The following RAB3IL1 variants were observed in gnomAD, a reference collection of about 807,000 sequenced individuals.
The protein encoded by RAB3IL1 is guanine nucleotide exchange factor for Rab-3A.
In RAB3IL1, 37 loss-of-function variants were observed where a neutral mutation model predicts 49.2. That is an observed-to-expected ratio of 0.75 (90% CI 0.58 to 0.99). RAB3IL1 has a LOEUF of 0.99. RAB3IL1 is among the 50% of genes least tolerant of loss of function. The pLI is 0.00. For synonymous variants in RAB3IL1, 193 were observed against 213.9 expected, an observed-to-expected ratio of 0.90 and a Z score of 0.85; for missense variants, 484 against 513.0, an observed-to-expected ratio of 0.94 and a Z score of 0.55.
the RAB3IL1 span, among the ~76,000 whole-genome samples, chr11:61,943,640 A>G: frequency 2.0e-5 from 3 of 152,212 alleles, no homozygotes; most frequent in African/African-American, 7.2e-5. Context: ...AATCCAACTG[A>G]AAAAATGGGC....
chr11:61,936,301 T>A, the RAB3IL1 span, among the ~76,000 whole-genome samples: 314 of 152,330 alleles, frequency 2.1e-3, no homozygotes, highest in Middle Eastern at 6.8e-3. Flanking sequence ...TCACATTCAA[T>A]AAGCCTAATG....
chr11:61,938,631 A>G, the RAB3IL1 span, among the ~76,000 whole-genome samples: 1 of 152,242 alleles, frequency 6.6e-6, no homozygotes, highest in Non-Finnish European at 1.5e-5. Context: ...CAGCAAGAAT[A>G]GCTGGAAATA....
chr11:61,926,629 C>G, the RAB3IL1 span, among the ~76,000 whole-genome samples: 3 of 152,198 alleles, frequency 2.0e-5, no homozygotes, highest in African/African-American at 7.2e-5. Flanking sequence ...TCTCAGCTCA[C>G]TGCAACCTCT....
At chr11:61,912,714 G>A (rs1472666959) in intron 1 of RAB3IL1, among the ~76,000 whole-genome samples, 1 of 152,188 alleles carries the variant, frequency 6.6e-6, no homozygotes, top group Admixed American at 6.5e-5. Context: ...CCAGAGGAAA[G>A]GGGATGAATG....
chr11:61,944,209 C>CCCTTCCCTCCTTCCTT, the RAB3IL1 span, among the ~76,000 whole-genome samples: 230 of 32,110 alleles, frequency 7.2e-3, no homozygotes, highest in African/African-American at 0.012. Flanking sequence ...TCCTTTCCTT[C>CCCTTCCCTCCTTCCTT]CCTTCCTTCC....
At chr11:61,940,239 C>T in the RAB3IL1 span, among the ~76,000 whole-genome samples, 9 of 151,572 alleles carry the variant, frequency 5.9e-5, no homozygotes, top group South Asian at 2.1e-4. Context: ...GTCGGGAGTT[C>T]GAGACCAGCC....
upstream of RAB3IL1, chr11:61,917,658 G>A: frequency 1.3e-6 from 1 of 755,014 alleles, no homozygotes; most frequent in Non-Finnish European, 1.6e-6. Context: ...CCCAAGGCCT[G>A]GCCCCACCCG....
chr11:61,920,695 G>A (rs981978043), upstream of RAB3IL1, among the ~76,000 whole-genome samples: 1 of 152,224 alleles, frequency 6.6e-6, no homozygotes, highest in Non-Finnish European at 1.5e-5. Flanking sequence ...AGGCTGAGGC[G>A]GGCGGATGAC....
chr11:61,904,654 G>A lies in RAB3IL1; in HGVS notation c.791C>T (p.Ser264Leu), dbSNP rs998898643. 2.5e-6 allele frequency: 4 copies of A among 1,609,676 alleles called. No homozygotes were observed. The highest frequency in any genetic ancestry group is 4.5e-5 in the East Asian group (2 of 44,838). Reference protein sequence around the residue: ...PCLDFTMQELSVLVRAAVEDN... With the variant: ...PCLDFTMQELLVLVRAAVEDN... ...CTCCACGGCGGCCCGTACCAGCACC[G>A]AGAGCTGTGGCAGACCAGGGAGGCA... The change falls in exon 7 of 10, where the codon TCG (serine) becomes TTG (leucine). Residue 264 changes from serine (S) to leucine (L), a missense_variant. By Grantham distance (145) the Ser-to-Leu change is moderately radical. Transcript: ENST00000394836.
At chr11:61,932,978 C>T in the RAB3IL1 span, among the ~76,000 whole-genome samples, 1 of 152,098 alleles carries the variant, frequency 6.6e-6, no homozygotes, top group Non-Finnish European at 1.5e-5. Flanking sequence ...ACCATGTTGG[C>T]CAGGCTGGTC....
At chr11:61,944,948 G>A in the RAB3IL1 span, among the ~76,000 whole-genome samples, 2 of 152,142 alleles carry the variant, frequency 1.3e-5, no homozygotes, top group South Asian at 4.2e-4. Context: ...TGATTCACCC[G>A]CCTCAGCCTC....
At chr11:61,946,300 T>TGAGGCAGGGCCTAGAAGGGCACC in the RAB3IL1 span, among the ~76,000 whole-genome samples, 1 of 152,166 alleles carries the variant, frequency 6.6e-6, no homozygotes, top group African/African-American at 2.4e-5. Flanking sequence ...CCTGCCCAGC[T>TGAGGCAGGGCCTAGAAGGGCACC]GAGGCAGGGC....
At chr11:61,943,116 C>T in the RAB3IL1 span, among the ~76,000 whole-genome samples, 1 of 152,132 alleles carries the variant, frequency 6.6e-6, no homozygotes, top group Non-Finnish European at 1.5e-5. Flanking sequence ...TACGTAGCTA[C>T]ATAATTAAAA....
the RAB3IL1 span, among the ~76,000 whole-genome samples, chr11:61,944,216 T>C: frequency 3.6e-5 from 5 of 139,570 alleles, no homozygotes; most frequent in African/African-American, 1.6e-4. Context: ...CTTCCCTTCC[T>C]TCCCTCCTTC....
intron 1 of RAB3IL1, among the ~76,000 whole-genome samples, chr11:61,910,263 G>A (rs905112524): frequency 6.6e-6 from 1 of 152,220 alleles, no homozygotes; most frequent in African/African-American, 2.4e-5. Context: ...TCAAGATAAA[G>A]CGCTGCTGGG....
chr11:61,904,414 T>C, intron 7 of RAB3IL1, 132 bp downstream of exon 7: 1 of 931,818 alleles, frequency 1.1e-6, no homozygotes, highest in Non-Finnish European at 1.7e-6. Context: ...ACTGCCTCCT[T>C]GCCCTGTGGG....
At chr11:61,921,692 C>T (rs1410256426), upstream of RAB3IL1, among the ~76,000 whole-genome samples, 1 of 152,154 alleles carries the variant, frequency 6.6e-6, no homozygotes, top group Non-Finnish European at 1.5e-5. Context: ...CTCAGTGTCA[C>T]CTTGCCTGGT....
At position 61,908,243 on chromosome 11, in the gene RAB3IL1, G is replaced by C. The variant is rs1236902383; in HGVS notation, c.75C>G (p.Ser25Arg). The C allele has an allele frequency of 6.5e-7, 1 of 1,532,438 alleles. No individual in the cohort carries two copies. Among genetic ancestry groups the C allele is most frequent in the Non-Finnish European group, 8.8e-7 (1 of 1,138,282 alleles). The allele number at this position is 1,532,438 out of a possible 1,614,324, so 94.9% of individuals were successfully genotyped here. Reference protein sequence around the residue: ...PLAAVPVPWKSTDPCQGHRES... With the variant: ...PLAAVPVPWKRTDPCQGHRES... ...CCCTGTGGCCTTGGCAGGGGTCCGT[G>C]CTCTTCCAGGGGACCGGGACAGCTG... The change falls in exon 2 of 10, where the codon AGC (serine) becomes AGG (arginine). Residue 25 changes from serine to arginine, a missense_variant. Ser to Arg is a moderately radical substitution (Grantham distance 110, BLOSUM62 -1). Coordinates refer to ENST00000394836, the MANE Select transcript of RAB3IL1 (RefSeq NM_013401.4).
At chr11:61,915,833 C>G (rs947718709) in intron 1 of RAB3IL1, among the ~76,000 whole-genome samples, 7 of 151,568 alleles carry the variant, frequency 4.6e-5, no homozygotes, top group Admixed American at 1.3e-4. Flanking sequence ...GTCAGGAGAT[C>G]GAGACCATCC....
Sources: allele counts gnomAD v4.1 joint callset (sites outside exome capture counted in the v4.1 genomes callset), GRCh38; gene constraint gnomAD v4.1.1; transcripts MANE v1.5; gene names NCBI Gene and HGNC (gene_info 2026-07-23, HGNC 2026-07-21).